The following ZMIZ1 variants were observed in gnomAD, a reference collection of about 807,000 sequenced individuals.
ZMIZ1 encodes zinc finger MIZ domain-containing protein 1.
A neutral mutation model predicts 113.9 loss-of-function variants in ZMIZ1; 17 were observed. The observed-to-expected ratio is 0.15, with a 90% confidence interval of 0.10 to 0.22. ZMIZ1 has a LOEUF of 0.22. ZMIZ1 is among the 10% of genes least tolerant of loss of function. The probability of loss-of-function intolerance (pLI) is 1.00; values close to 1 mark genes in which losing one functional copy is unlikely to be tolerated. For missense variants in ZMIZ1, 1,059 were observed against 1,477.8 expected (o/e 0.72, Z 4.65); for synonymous variants, 607 against 603.1 (o/e 1.01, Z -0.09).
Position 79,305,582 on chromosome 10 carries a change from A to G in ZMIZ1, c.2404A>G (p.Ile802Val), listed in dbSNP as rs764347773. The G allele has an allele frequency of 6.2e-7, 1 of 1,614,006 alleles. No homozygotes were observed. Among genetic ancestry groups the G allele is most frequent in the South Asian group, 1.1e-5 (1 of 91,084 alleles). ...GGAGGTGGATCAGTACATGTGGGGA[A>G]TCCTGAATGCCATCCAACAGTAAGT... is the stretch of plus-strand genomic sequence containing the variant. ...GLEVDQYMWG[I>V]LNAIQHSEFE... Residue 802 changes from isoleucine to valine, a missense_variant, in exon 21 of 25, where the codon ATC becomes GTC. Physicochemically the swap from Ile to Val is conservative, Grantham distance 29. Around this residue, in one of 6 missense-constraint regions of ZMIZ1, gnomAD observed 217 missense variants for 426.9 expected, o/e 0.51. Transcript: ENST00000334512.
intron 3 of ZMIZ1, among the ~76,000 whole-genome samples, chr10:79,142,534 G>A (rs1483005886): frequency 6.6e-6 from 1 of 152,192 alleles, no homozygotes; most frequent in Non-Finnish European, 1.5e-5. Flanking sequence ...AAAGGACTCT[G>A]TATGCTGCAG....
At chr10:79,146,215 C>T (rs1324275386) in intron 3 of ZMIZ1, among the ~76,000 whole-genome samples, 1 of 152,172 alleles carries the variant, frequency 6.6e-6, no homozygotes, top group Non-Finnish European at 1.5e-5. Flanking sequence ...AGCAGGGTCT[C>T]CGCTCTGCCT....
At chr10:79,261,497 G>A (rs147329717) in intron 7 of ZMIZ1, among the ~76,000 whole-genome samples, 2,729 of 152,268 alleles carry the variant, frequency 0.018, 35 homozygotes, top group Non-Finnish European at 0.024. Context: ...AGAGAAACAG[G>A]GAGCCTGGCC....
chr10:79,231,882 C>T (rs1256079156), intron 7 of ZMIZ1, among the ~76,000 whole-genome samples: 1 of 152,190 alleles, frequency 6.6e-6, no homozygotes. Context: ...CCGGTCATGC[C>T]TGGTGTTTTT....
chr10:79,201,734 G>A, intron 5 of ZMIZ1, 42 bp downstream of exon 5: 1 of 1,604,174 alleles, frequency 6.2e-7, no homozygotes, highest in Non-Finnish European at 8.5e-7. Context: ...GGGGCAGATG[G>A]GGCGGGCTGC....
Position 79,314,413 on chromosome 10 carries a change from T to C in ZMIZ1, c.*1664T>C. On this transcript the variant is annotated 3_prime_UTR_variant, in exon 25 of 25. Coordinates refer to ENST00000334512, the MANE Select transcript of ZMIZ1 (RefSeq NM_020338.4). ...GGAAAGGTGGCCCCAGCTGTTGACT[T>C]CCAGTCACTGTCCCAGACGGCACAA... 2.7e-6 allele frequency: 1 copy of C among 368,566 alleles called. No homozygotes were observed. 22.8% of individuals were successfully genotyped at this position (368,566 alleles called of 1,614,324 possible).
intron 8 of ZMIZ1, chr10:79,285,420 G>A (rs746413905): frequency 1.0e-4 from 47 of 454,320 alleles, no homozygotes; most frequent in Middle Eastern, 7.7e-4. Context: ...GGCAGCCTTC[G>A]AAGGGAGGGG....
chr10:79,216,157 T>A lies in ZMIZ1; in HGVS notation c.175-12T>A, dbSNP rs1272055358. ...CCGTGACTCACCTGCCCTCCTCCCC[T>A]CTTGCTTTCAGGTGGTCAGTCGGGT... On this transcript the variant is annotated splice_polypyrimidine_tract_variant and intron_variant, in intron 6 of 24. Transcript: ENST00000334512. 10 of 1,475,296 alleles carry A rather than the reference T, an allele frequency of 6.8e-6. No homozygotes were observed. The highest frequency in any genetic ancestry group is 9.0e-6 in the Non-Finnish European group (10 of 1,106,020). The allele number at this position is 1,475,296 out of a possible 1,614,324, so 91.4% of individuals were successfully genotyped here.
chr10:79,278,101 C>T (rs916432693), intron 8 of ZMIZ1, among the ~76,000 whole-genome samples: 10 of 152,222 alleles, frequency 6.6e-5, no homozygotes, highest in African/African-American at 2.2e-4. Flanking sequence ...GTCGCACCAT[C>T]GAGGTGCTGC....
intron 7 of ZMIZ1, among the ~76,000 whole-genome samples, chr10:79,276,024 T>C (rs566518125): frequency 6.6e-6 from 1 of 152,332 alleles, no homozygotes; most frequent in East Asian, 1.9e-4. Context: ...GCCCATCGAC[T>C]ACTTCCATAA....
intron 8 of ZMIZ1, chr10:79,285,382 A>G: frequency 1.4e-5 from 6 of 439,670 alleles, no homozygotes; most frequent in South Asian, 9.5e-5. Context: ...GGCCTCATAC[A>G]TGTTAGGCAC....
intron 4 of ZMIZ1, among the ~76,000 whole-genome samples, chr10:79,187,329 C>T (rs11002861): frequency 0.19 from 29,551 of 152,148 alleles, 3,297 homozygotes; most frequent in South Asian, 0.3. Context: ...AGTATAGCTG[C>T]GTGATTAGGC....
At chr10:79,272,066 C>T (rs1288817780) in intron 7 of ZMIZ1, among the ~76,000 whole-genome samples, 2 of 152,074 alleles carry the variant, frequency 1.3e-5, no homozygotes. Context: ...GCCAGGAGTT[C>T]GAAACCAGCC....
intron 7 of ZMIZ1, among the ~76,000 whole-genome samples, chr10:79,234,534 A>T (rs1479468687): frequency 1.3e-5 from 2 of 152,254 alleles, no homozygotes; most frequent in African/African-American, 4.8e-5. Flanking sequence ...ACAGAAAATT[A>T]TAAGAAAGTA....
chr10:79,145,529 C>T (rs1845445855), intron 3 of ZMIZ1, among the ~76,000 whole-genome samples: 1 of 152,112 alleles, frequency 6.6e-6, no homozygotes. Flanking sequence ...TTCTGTGCTG[C>T]ATCCATAAAA....
At chr10:79,133,864 C>T (rs1034259987) in intron 2 of ZMIZ1, among the ~76,000 whole-genome samples, 10 of 152,194 alleles carry the variant, frequency 6.6e-5, no homozygotes, top group Admixed American at 4.6e-4. Flanking sequence ...GGGGCATTGC[C>T]GCAGGCATAA....
chr10:79,304,494 T>A (rs553059564), intron 19 of ZMIZ1, among the ~76,000 whole-genome samples: 1 of 152,362 alleles, frequency 6.6e-6, no homozygotes, highest in African/African-American at 2.4e-5. Context: ...GTCCAGTTCA[T>A]GCCTCTGTCC....
chr10:79,135,584 T>C (rs1417071591), intron 2 of ZMIZ1, among the ~76,000 whole-genome samples: 1 of 152,178 alleles, frequency 6.6e-6, no homozygotes, highest in East Asian at 1.9e-4. Context: ...CTGGCCAATC[T>C]GAAAATGCCC....
chr10:79,074,673 A>G (rs1225602994), intron 1 of ZMIZ1, among the ~76,000 whole-genome samples: 2 of 152,178 alleles, frequency 1.3e-5, no homozygotes, highest in Non-Finnish European at 2.9e-5. Flanking sequence ...TCCCCAGGCT[A>G]TGTGGGGCAC....
Sources: gnomAD v4.1 joint callset for allele counts (sites outside exome capture counted in the v4.1 genomes callset) on GRCh38, gnomAD v4.1.1 for gene constraint, gnomAD v4.1.1 regional missense constraint, MANE v1.5 for transcripts, NCBI Gene and HGNC (gene_info 2026-07-23, HGNC 2026-07-21) for gene names.